The following CDH13 variants were observed in gnomAD, a reference collection of about 807,000 sequenced individuals.
CDH13 encodes the protein cadherin 13.
CDH13 carries 24 observed loss-of-function variants against 63.8 expected under a neutral mutation model. That is an observed-to-expected ratio of 0.38 (90% CI 0.27 to 0.53). The LOEUF (loss-of-function observed/expected upper bound fraction) is 0.53. Among genes scored for constraint, CDH13 ranks in the 20% least tolerant of loss-of-function variants. CDH13 has a pLI of 0.85. For missense variants in CDH13, 1,049 were observed against 903.1 expected, an observed-to-expected ratio of 1.16 and a Z score of -2.07; for synonymous variants, 503 against 355.3, an observed-to-expected ratio of 1.42 and a Z score of -4.67.
intron 1 of CDH13, among the ~76,000 whole-genome samples, chr16:82,662,947 G>A (rs895623156): frequency 6.6e-6 from 1 of 152,134 alleles, no homozygotes; most frequent in Admixed American, 6.5e-5. Context: ...ATGACAAATC[G>A]GTACATTGAT....
At chr16:83,409,771 C>T (rs558957133) in intron 6 of CDH13, among the ~76,000 whole-genome samples, 4 of 152,276 alleles carry the variant, frequency 2.6e-5, no homozygotes, top group African/African-American at 9.6e-5. Context: ...TGGTACAATC[C>T]ATGATGTGCC....
At chr16:83,670,274 A>G (rs1472625956) in intron 8 of CDH13, among the ~76,000 whole-genome samples, 3 of 152,188 alleles carry the variant, frequency 2.0e-5, no homozygotes, top group Non-Finnish European at 4.4e-5. Flanking sequence ...TTATGTTGTT[A>G]TTTTGGGGAG....
At chr16:83,264,441 A>T (rs1255198515) in intron 5 of CDH13, among the ~76,000 whole-genome samples, 1 of 152,094 alleles carries the variant, frequency 6.6e-6, no homozygotes, top group African/African-American at 2.4e-5. Flanking sequence ...ATATACTTAT[A>T]TGTGGATATA....
intron 2 of CDH13, among the ~76,000 whole-genome samples, chr16:82,969,730 GA>G (rs1236628746): frequency 1.3e-5 from 2 of 152,174 alleles, no homozygotes; most frequent in East Asian, 3.9e-4. Context: ...TGGTTGAGGA[GA>G]ATCAGGCTAG....
At chr16:83,022,940 G>C (rs571367820) in intron 2 of CDH13, 1 of 152,312 alleles carries the variant, frequency 6.6e-6, no homozygotes, top group South Asian at 2.1e-4. Context: ...TGGCAGATAA[G>C]TTTAAATCCA....
At chr16:82,744,832 T>C (rs1250482151) in intron 1 of CDH13, among the ~76,000 whole-genome samples, 1 of 152,176 alleles carries the variant, frequency 6.6e-6, no homozygotes, top group Non-Finnish European at 1.5e-5. Context: ...CTCGGCCATT[T>C]GTACAAGGTG....
intron 2 of CDH13, among the ~76,000 whole-genome samples, chr16:82,913,946 AGATGTAGACAGCGCTGGGG>A (rs1567656693): frequency 6.6e-6 from 1 of 152,094 alleles, no homozygotes. Context: ...GAGAGGCAGG[AGATGTAGACAGCGCTGGGG>A]GATGTAGACA....
At chr16:82,678,319 C>CTTT (rs11369498) in intron 1 of CDH13, among the ~76,000 whole-genome samples, 251 of 144,790 alleles carry the variant, frequency 1.7e-3, no homozygotes, top group South Asian at 6.9e-3. Context: ...ACAGAAAAAA[C>CTTT]TTTTTTTTTT....
At position 82,690,724 on chromosome 16, in the gene CDH13, C is replaced by T. The variant is rs147339000; in HGVS notation, c.45+63587C>T. 1.9e-3 allele frequency among the ~76,000 whole-genome samples: 285 copies of T among 152,332 alleles called. 1 individual carries two copies. The highest frequency in any genetic ancestry group is 6.5e-3 in the African/African-American group (271 of 41,570). ...CACCGTTGTTCATGAATAAAAGAAACATGGTAGATATCCTTATGCATGTGT... is the reference window on the plus strand; with the variant it reads ...CACCGTTGTTCATGAATAAAAGAAATATGGTAGATATCCTTATGCATGTGT... On this transcript the variant is annotated intron_variant, in intron 1 of 13. Coordinates refer to ENST00000567109, the MANE Select transcript of CDH13 (RefSeq NM_001257.5).
At chr16:82,973,734 T>A (rs1374866233) in intron 2 of CDH13, among the ~76,000 whole-genome samples, 1 of 152,174 alleles carries the variant, frequency 6.6e-6, no homozygotes, top group Non-Finnish European at 1.5e-5. Context: ...TATTCTTCTA[T>A]CCCATGACAT....
chr16:83,276,381 C>G (rs145383972), intron 5 of CDH13, among the ~76,000 whole-genome samples: 1,950 of 152,256 alleles, frequency 0.013, 19 homozygotes, highest in Middle Eastern at 0.027. Context: ...TTTGGTGTTT[C>G]CCATATGACT....
intron 7 of CDH13, among the ~76,000 whole-genome samples, chr16:83,507,986 C>A (rs920184303): frequency 1.3e-5 from 2 of 149,362 alleles, no homozygotes; most frequent in Non-Finnish European, 3.0e-5. Flanking sequence ...GAGCCGAGAT[C>A]GCGCCACTGC....
chr16:82,943,313 A>T (rs947190295), intron 2 of CDH13, among the ~76,000 whole-genome samples: 2 of 152,192 alleles, frequency 1.3e-5, no homozygotes, highest in African/African-American at 4.8e-5. Context: ...ATATGATAGT[A>T]TTGCTAGATC....
At chr16:83,625,804 C>G (rs1910244314) in intron 8 of CDH13, among the ~76,000 whole-genome samples, 2 of 152,080 alleles carry the variant, frequency 1.3e-5, no homozygotes, top group African/African-American at 2.4e-5. Flanking sequence ...GTACCTCAGC[C>G]CAAAGTCTGT....
chr16:83,155,256 G>C (rs553514242), intron 4 of CDH13, among the ~76,000 whole-genome samples: 1 of 152,316 alleles, frequency 6.6e-6, no homozygotes. Flanking sequence ...GGTCTGGATG[G>C]AGGTAGAAGA....
intron 1 of CDH13, among the ~76,000 whole-genome samples, chr16:82,833,608 G>A (rs1442406749): frequency 2.6e-5 from 4 of 152,180 alleles, no homozygotes; most frequent in Admixed American, 2.0e-4. Context: ...AATGAAGATG[G>A]AAAATGATTC....
chr16:82,821,983 T>C (rs968980971), intron 1 of CDH13, among the ~76,000 whole-genome samples: 20 of 152,198 alleles, frequency 1.3e-4, no homozygotes, highest in African/African-American at 4.6e-4. Context: ...TTCCCATCCA[T>C]AGAACCAAAA....
intron 6 of CDH13, among the ~76,000 whole-genome samples, chr16:83,372,853 T>C (rs1338442548): frequency 6.6e-6 from 1 of 151,516 alleles, no homozygotes; most frequent in Non-Finnish European, 1.5e-5. Flanking sequence ...GACTGACAAG[T>C]GATGGCGTTA....
At chr16:82,697,289 C>T (rs1214723081) in intron 1 of CDH13, among the ~76,000 whole-genome samples, 1 of 152,046 alleles carries the variant, frequency 6.6e-6, no homozygotes, top group Non-Finnish European at 1.5e-5. Context: ...AAGTTAATAG[C>T]ACAGTTGATC....
Sources: allele counts gnomAD v4.1 joint callset (sites outside exome capture counted in the v4.1 genomes callset), GRCh38; gene constraint gnomAD v4.1.1; transcripts MANE v1.5; gene names NCBI Gene and HGNC (gene_info 2026-07-23, HGNC 2026-07-21).